NKAIN2: variants seen among roughly 807,000 people sequenced by gnomAD.
NKAIN2 encodes the protein sodium/potassium-transporting ATPase subunit beta-1-interacting protein 2.
In NKAIN2, 14 loss-of-function variants were observed where a neutral mutation model predicts 32.6. That is an observed-to-expected ratio of 0.43 (90% CI 0.28 to 0.67). The LOEUF is 0.67. NKAIN2 is among the 30% of genes least tolerant of loss of function. The pLI, the probability that NKAIN2 is intolerant of heterozygous loss-of-function variation, is 0.17. For missense variants in NKAIN2, 198 were observed against 258.3 expected, an observed-to-expected ratio of 0.77 and a Z score of 1.60; for synonymous variants, 80 against 87.2, an observed-to-expected ratio of 0.92 and a Z score of 0.46.
At chr6:124,192,289 T>G (rs1432164905) in intron 1 of NKAIN2, among the ~76,000 whole-genome samples, 2 of 152,182 alleles carry the variant, frequency 1.3e-5, no homozygotes, top group Non-Finnish European at 2.9e-5. Flanking sequence ...TTGATATGTG[T>G]GTTTTTGTGA....
At chr6:123,977,742 T>C (rs1300225533) in intron 1 of NKAIN2, among the ~76,000 whole-genome samples, 3 of 152,192 alleles carry the variant, frequency 2.0e-5, no homozygotes, top group African/African-American at 7.2e-5. Flanking sequence ...TAATAATGGC[T>C]TATGCAGATA....
At chr6:124,772,362 G>C (rs1012641660) in intron 4 of NKAIN2, among the ~76,000 whole-genome samples, 1 of 152,146 alleles carries the variant, frequency 6.6e-6, no homozygotes, top group African/African-American at 2.4e-5. Context: ...GAGAGCAAGA[G>C]ACGAGGGCCA....
At chr6:123,951,165 G>C (rs917832039) in intron 1 of NKAIN2, among the ~76,000 whole-genome samples, 1 of 151,934 alleles carries the variant, frequency 6.6e-6, no homozygotes, top group Admixed American at 6.6e-5. Context: ...GTTAAGAATT[G>C]TTCTGTGGCT....
chr6:124,176,778 A>G (rs12524989), intron 1 of NKAIN2, among the ~76,000 whole-genome samples: 5 of 152,104 alleles, frequency 3.3e-5, no homozygotes, highest in Admixed American at 2.6e-4. Context: ...ACTGGAATCT[A>G]TTTTATTATT....
At chr6:124,069,626 A>G (rs1342875253) in intron 1 of NKAIN2, among the ~76,000 whole-genome samples, 1 of 152,190 alleles carries the variant, frequency 6.6e-6, no homozygotes, top group East Asian at 1.9e-4. Context: ...AGCAAGTTTC[A>G]GATTGGGTTT....
chr6:124,348,252 G>T (rs957810781), intron 2 of NKAIN2, among the ~76,000 whole-genome samples: 1 of 151,922 alleles, frequency 6.6e-6, no homozygotes, highest in East Asian at 1.9e-4. Context: ...CCCACTGGGG[G>T]GTGCCTCTCA....
intron 1 of NKAIN2, among the ~76,000 whole-genome samples, chr6:124,170,275 C>T (rs1202560743): frequency 6.6e-6 from 1 of 152,036 alleles, no homozygotes; most frequent in Non-Finnish European, 1.5e-5. Flanking sequence ...TAAGTGTTCC[C>T]TTGTTTATTT....
chr6:124,674,880 T>A (rs1773279998), intron 4 of NKAIN2, among the ~76,000 whole-genome samples: 2 of 152,070 alleles, frequency 1.3e-5, no homozygotes, highest in African/African-American at 2.4e-5. Context: ...GGTGAGGACT[T>A]CCAATACAAT....
At chr6:124,302,134 G>A (rs77044077) in intron 2 of NKAIN2, among the ~76,000 whole-genome samples, 4,444 of 152,234 alleles carry the variant, frequency 0.029, 211 homozygotes, top group African/African-American at 0.1. Flanking sequence ...AAGATCTGAC[G>A]TTTTTATAAT....
intron 4 of NKAIN2, among the ~76,000 whole-genome samples, chr6:124,724,470 T>C: frequency 6.6e-6 from 1 of 152,270 alleles, no homozygotes; most frequent in East Asian, 1.9e-4. Context: ...TACTACAGTT[T>C]ATTCTGGGTG....
At chr6:124,516,800 G>T (rs1381825717) in intron 3 of NKAIN2, among the ~76,000 whole-genome samples, 1 of 152,144 alleles carries the variant, frequency 6.6e-6, no homozygotes, top group African/African-American at 2.4e-5. Context: ...TTCAAACTGA[G>T]TCACCTTCAC....
At chr6:124,189,414 A>G (rs1419745947) in intron 1 of NKAIN2, among the ~76,000 whole-genome samples, 1 of 152,128 alleles carries the variant, frequency 6.6e-6, no homozygotes, top group Non-Finnish European at 1.5e-5. Flanking sequence ...TTTAAAAAAA[A>G]TGCAAGCCAG....
At chr6:124,653,167 G>C (rs1784424090) in intron 3 of NKAIN2, among the ~76,000 whole-genome samples, 1 of 151,986 alleles carries the variant, frequency 6.6e-6, no homozygotes. Context: ...ATAGAGAGAG[G>C]TGAAAGATCC....
intron 3 of NKAIN2, among the ~76,000 whole-genome samples, chr6:124,621,198 C>G (rs758289195): frequency 2.6e-5 from 4 of 152,134 alleles, no homozygotes; most frequent in Non-Finnish European, 5.9e-5. Context: ...GGTAGAAAAA[C>G]CACTACTCTA....
chr6:123,935,384 T>A (rs1776454092), intron 1 of NKAIN2, among the ~76,000 whole-genome samples: 1 of 151,490 alleles, frequency 6.6e-6, no homozygotes. Context: ...AAGTAATGTG[T>A]TTCTCCCAAA....
In NKAIN2 at chr6:123,814,688, AT is replaced by A. The variant is rs754144214; in HGVS notation, c.54+10443del. 5.9e-5 allele frequency among the ~76,000 whole-genome samples: 9 copies of A among 151,872 alleles called. No homozygotes were observed. The South Asian group carries it at 1.9e-3, about 32-fold the overall frequency. On this transcript the variant is annotated intron_variant, in intron 1 of 6. Transcript: ENST00000368417. Reference sequence around the variant, plus strand: ...CATTGAGAGAAATAAACCCCAATGAATTTTTTTTTGAAGTTTACATAGTGAT... The same window carrying A: ...CATTGAGAGAAATAAACCCCAATGAATTTTTTTTGAAGTTTACATAGTGAT...
At chr6:123,842,428 A>G (rs962660865) in intron 1 of NKAIN2, among the ~76,000 whole-genome samples, 2 of 152,144 alleles carry the variant, frequency 1.3e-5, no homozygotes, top group Non-Finnish European at 2.9e-5. Context: ...GACCTATCAG[A>G]TTAGAGCCCT....
At chr6:124,204,984 G>GC (rs1207690076) in intron 1 of NKAIN2, among the ~76,000 whole-genome samples, 2 of 73,738 alleles carry the variant, frequency 2.7e-5, no homozygotes, top group Non-Finnish European at 6.3e-5. Flanking sequence ...CTAAAAAAAA[G>GC]CAAAAAAAAA....
chr6:123,941,958 A>G (rs187908902), intron 1 of NKAIN2, among the ~76,000 whole-genome samples: 1 of 151,938 alleles, frequency 6.6e-6, no homozygotes, highest in Non-Finnish European at 1.5e-5. Context: ...TGGTTCTGCA[A>G]TCCACCCCCA....
Sources: allele counts gnomAD v4.1 joint callset (sites outside exome capture counted in the v4.1 genomes callset), GRCh38; gene constraint gnomAD v4.1.1; transcripts MANE v1.5; gene names NCBI Gene and HGNC (gene_info 2026-07-23, HGNC 2026-07-21).